MUC5AC: variants seen among roughly 807,000 people sequenced by gnomAD.
MUC5AC encodes mucin-5AC.
MUC5AC carries 158 observed loss-of-function variants against 169.7 expected under a neutral mutation model. That is an observed-to-expected ratio of 0.93 (90% confidence interval 0.82 to 1.06). MUC5AC has a LOEUF of 1.06. Ranked by LOEUF, MUC5AC falls within the 50% of genes least tolerant of loss-of-function variation. The probability of loss-of-function intolerance (pLI) is 0.00; values close to 1 mark genes in which losing one functional copy is unlikely to be tolerated. For synonymous variants in MUC5AC, 1,975 were observed against 1,237.0 expected, an observed-to-expected ratio of 1.60 and a Z score of -12.52; for missense variants, 4,359 against 3,089.9, an observed-to-expected ratio of 1.41 and a Z score of -9.74.
intron 9 of MUC5AC, 31 bp from the exon 10 acceptor site, chr11:1,165,271 C>G: frequency 6.3e-7 from 1 of 1,585,652 alleles, no homozygotes; most frequent in Non-Finnish European, 8.6e-7. Flanking sequence ...ACACAGCAGG[C>G]GCCCGTCATA....
At chr11:1,159,995 G>A (rs1364373978) in intron 1 of MUC5AC, among the ~76,000 whole-genome samples, 1 of 146,870 alleles carries the variant, frequency 6.8e-6, no homozygotes, top group Non-Finnish European at 1.5e-5. Flanking sequence ...CGGGGCTGGG[G>A]TCTGGTCCCA....
chr11:1,182,924 T>A lies in MUC5AC; in HGVS notation c.4779T>A (p.Pro1593=). 2.5e-6 allele frequency: 1 copy of A among 398,724 alleles called. No individual in the cohort carries two copies. The highest frequency in any genetic ancestry group is 3.6e-5 in the East Asian group (1 of 28,044). The allele number at this position is 398,724 out of a possible 1,614,324, so 24.7% of individuals were successfully genotyped here. ...TWTEWIDGSY[P]APGINGGDFD... ...CCGAGTGGATCGATGGCAGCTACCC[T>A]GCTCCTGGAATAAATGGTGGAGATT... is the stretch of plus-strand genomic sequence containing the variant. Residue 1593 remains proline, a synonymous_variant, in exon 31 of 49, where the codon CCT becomes CCA. Transcript: ENST00000621226.
chr11:1,176,471 C>G (rs922816430), intron 20 of MUC5AC, 43 bp from the exon 21 acceptor site: 1 of 398,758 alleles, frequency 2.5e-6, no homozygotes, highest in African/African-American at 2.1e-5. Context: ...TGGCAGGCCC[C>G]GTGCCCTGCC....
Position 1,191,564 on chromosome 11 carries a change from G to T in MUC5AC, c.13419G>T (p.Met4473Ile). The change falls in exon 31 of 49, where the codon ATG becomes ATT. Residue 4473 changes from methionine (M) to isoleucine (I), a missense_variant. Transcript: ENST00000621226. ...CAACCTCTGCTCCTATAACCAGCAT[G>T]ACCTCTGGTCCTGGAACTACTCCCA... ...TSTTSAPITS[M>I]TSGPGTTPSP... 1 of 602,730 alleles carries T rather than the reference G, an allele frequency of 1.7e-6. No individual in the cohort carries two copies. Among genetic ancestry groups the T allele is most frequent in the Non-Finnish European group, 2.9e-6 (1 of 339,864 alleles). The allele number at this position is 602,730 out of a possible 1,614,324, so 37.3% of individuals were successfully genotyped here. A position where few individuals can be genotyped will look rare whatever the true frequency, so the allele number is the denominator to read the frequency against.
At position 1,185,975 on chromosome 11, in the gene MUC5AC, C is replaced by T. The variant is rs1169860406; in HGVS notation, c.7830C>T (p.Thr2610=). 4.1e-5 allele frequency: 30 copies of T among 733,406 alleles called. No individual in the cohort carries two copies. The highest frequency in any genetic ancestry group is 6.2e-5 in the Non-Finnish European group (25 of 402,232). The allele number at this position is 733,406 out of a possible 1,614,324, so 45.4% of individuals were successfully genotyped here. ...PTTSITSAPT[T]STNSAPISST... is the part of the protein sequence containing the mutation. ...CCAGCATAACCTCTGCACCTACAACCAGCACAAACTCTGCCCCTATAAGCA... is the reference window on the plus strand; with the variant it reads ...CCAGCATAACCTCTGCACCTACAACTAGCACAAACTCTGCCCCTATAAGCA... The change falls in exon 31 of 49, where the codon ACC becomes ACT. Residue 2610 remains threonine (T), a synonymous_variant. Transcript: ENST00000621226.
At chr11:1,179,859 CCTGATAATTGGG>C (rs1860773505) in intron 26 of MUC5AC, among the ~76,000 whole-genome samples, 151 bp from the exon 27 acceptor site, 1 of 152,190 alleles carries the variant, frequency 6.6e-6, no homozygotes, top group Non-Finnish European at 1.5e-5. Flanking sequence ...TCCGTGGCAC[CCTGATAATTGGG>C]GGGTCCCGAT....
In MUC5AC at chr11:1,187,290, C is replaced by T. The variant is rs1423570998; in HGVS notation, c.9145C>T (p.Gln3049Ter). The T allele has an allele frequency of 8.7e-6, 6 of 693,280 alleles. No homozygotes were observed. In the African/African-American group the frequency reaches 1.1e-4, roughly 13 times the overall value. The allele number at this position is 693,280 out of a possible 1,614,324, so 42.9% of individuals were successfully genotyped here. The change falls in exon 31 of 49, where the codon CAG becomes TAG. Residue 3049 changes from glutamine (Q) to a stop codon, truncating the protein, a stop_gained. Transcript: ENST00000621226. LOFTEE classifies it high-confidence loss of function. ...TPTSSTTSSP[Q>*]TSTTSASTTS... is the part of the protein sequence containing the mutation. Reference sequence around the variant, plus strand: ...TACAAGCAGCACAACCTCCTCTCCACAGACCAGCACAACCTCGGCTTCTAC... The same window carrying T: ...TACAAGCAGCACAACCTCCTCTCCATAGACCAGCACAACCTCGGCTTCTAC...
chr11:1,165,339 C>T lies in MUC5AC; in HGVS notation c.1167C>T (p.Val389=), dbSNP rs1860290160. 2 of 1,612,258 alleles carry T rather than the reference C, an allele frequency of 1.2e-6. No individual in the cohort carries two copies. The highest frequency in any genetic ancestry group is 1.3e-5 in the African/African-American group (1 of 74,940). ...VLDDIGQTGC[V]PVSKCACVYN... The stretch of plus-strand genomic sequence containing the variant: ...ACGACATCGGCCAGACCGGCTGTGT[C>T]CCTGTGTCAAAGTGTGCCTGCGTCT... The change falls in exon 10 of 49, where the codon GTC becomes GTT. Residue 389 remains valine (V), a synonymous_variant. Transcript: ENST00000621226.
At chr11:1,163,162 C>G (rs746530074) in intron 6 of MUC5AC, 117 bp downstream of exon 6, 1 of 954,266 alleles carries the variant, frequency 1.0e-6, no homozygotes, top group Non-Finnish European at 1.7e-6. Flanking sequence ...ACGGATGCAG[C>G]TGCCCTCCCT....
At chr11:1,162,870 C>A in intron 5 of MUC5AC, 85 bp from the exon 6 acceptor site, 1 of 1,372,446 alleles carries the variant, frequency 7.3e-7, no homozygotes, top group Non-Finnish European at 1.0e-6. Context: ...TGGGCCTCGG[C>A]CCCTCCTCGG....
At chr11:1,171,533 C>CCACT (rs1176915768) in intron 15 of MUC5AC, among the ~76,000 whole-genome samples, 12,119 of 83,182 alleles carry the variant, frequency 0.15, 1,227 homozygotes, top group Non-Finnish European at 0.19. Context: ...ACCCACTCAC[C>CCACT]CACTCACTCA....
At chr11:1,178,111 C>T (rs919979936) in intron 24 of MUC5AC, among the ~76,000 whole-genome samples, 48 of 152,220 alleles carry the variant, frequency 3.2e-4, no homozygotes, top group Non-Finnish European at 5.4e-4. Context: ...CCTCAGTCTG[C>T]AAGACCCCAT....
At chr11:1,164,642 C>T in intron 9 of MUC5AC, 110 bp downstream of exon 9, 5 of 1,378,874 alleles carry the variant, frequency 3.6e-6, no homozygotes, top group Non-Finnish European at 3.8e-6. Context: ...TCCCGGGCCC[C>T]TGAGGCTGAC....
rs75618268 is a variant in MUC5AC at position 1,192,056 on chromosome 11, C to T, written c.13911C>T (p.Phe4637=). The change falls in exon 31 of 49, where the codon TTC becomes TTT. Residue 4637 remains phenylalanine, a synonymous_variant. Coordinates refer to ENST00000621226, the MANE Select transcript of MUC5AC (RefSeq NM_001304359.2). ...CTCTGTGCGCCTGGACAAAGTGGTTCGACGTGGACTTCCCATCCCCTGGAC... is the reference window on the plus strand; with the variant it reads ...CTCTGTGCGCCTGGACAAAGTGGTTTGACGTGGACTTCCCATCCCCTGGAC... ...CHPLCAWTKW[F]DVDFPSPGPH... is the part of the protein sequence containing the mutation. 39 of 765,104 alleles carry T rather than the reference C, an allele frequency of 5.1e-5. No individual in the cohort carries two copies. The highest frequency in any genetic ancestry group is 8.1e-5 in the Non-Finnish European group (34 of 417,894). 47.4% of individuals were successfully genotyped at this position (765,104 alleles called of 1,614,324 possible). A position where few individuals can be genotyped will look rare whatever the true frequency, so the allele number is the denominator to read the frequency against.
In MUC5AC at chr11:1,176,571, G is replaced by A. The variant is rs1285082291; in HGVS notation, c.2560G>A (p.Glu854Lys). Reference sequence around the variant, plus strand: ...CCCCGACGGGCTGGTGGCGGACGGCGAGGGCGGCTGCATCACTGCGGAGGA... The same window carrying A: ...CCCCGACGGGCTGGTGGCGGACGGCAAGGGCGGCTGCATCACTGCGGAGGA... ...VCPDGLVADG[E>K]GGCITAEDCP... Residue 854 changes from glutamate (E) to lysine (K), a missense_variant, in exon 21 of 49, where the codon GAG becomes AAG. Physicochemically the swap from Glu to Lys is moderately conservative, Grantham distance 56. Coordinates refer to ENST00000621226, the MANE Select transcript of MUC5AC (RefSeq NM_001304359.2). 7 of 399,676 alleles carry A rather than the reference G, an allele frequency of 1.8e-5. No individual in the cohort carries two copies. Among genetic ancestry groups the A allele is most frequent in the Non-Finnish European group, 3.1e-5 (7 of 226,974 alleles). The allele number at this position is 399,676 out of a possible 1,614,324, so 24.8% of individuals were successfully genotyped here.
At position 1,190,222 on chromosome 11, in the gene MUC5AC, G is replaced by C; in HGVS notation, c.12077G>C (p.Gly4026Ala). Residue 4026 changes from glycine (G) to alanine (A), a missense_variant, in exon 31 of 49, where the codon GGC becomes GCC. Gly to Ala is a moderately conservative substitution (Grantham distance 60). Coordinates refer to ENST00000621226, the MANE Select transcript of MUC5AC (RefSeq NM_001304359.2). ...GTGGTGCAGTGCAGCCGGGAAGAGG[G>C]CCTGGTGTGCCGGAACCAGGACCAG... ...GQVVQCSREE[G>A]LVCRNQDQQG... 2 of 751,156 alleles carry C rather than the reference G, an allele frequency of 2.7e-6. No homozygotes were observed. The allele number at this position is 751,156 out of a possible 1,614,324, so 46.5% of individuals were successfully genotyped here. A position where few individuals can be genotyped will look rare whatever the true frequency, so the allele number is the denominator to read the frequency against.
chr11:1,193,355 G>C, intron 32 of MUC5AC, 130 bp from the exon 33 acceptor site: 1 of 616,584 alleles, frequency 1.6e-6, no homozygotes. Flanking sequence ...GGGTGGGGCA[G>C]GAAGGAAACT....
At chr11:1,171,474 C>CATGA (rs1860532247) in intron 15 of MUC5AC, among the ~76,000 whole-genome samples, 1 of 145,908 alleles carries the variant, frequency 6.9e-6, no homozygotes, top group Non-Finnish European at 1.5e-5. Flanking sequence ...CCCCCTCACT[C>CATGA]ACCCACTCAC....
chr11:1,169,171 C>T lies in MUC5AC; in HGVS notation c.1870+145C>T, dbSNP rs572924378. 1.9e-5 allele frequency: 27 copies of T among 1,403,676 alleles called. No individual in the cohort carries two copies. The South Asian group carries it at 3.7e-4, about 19-fold the overall frequency. The allele number at this position is 1,403,676 out of a possible 1,614,324, so 87.0% of individuals were successfully genotyped here. A position where few individuals can be genotyped will look rare whatever the true frequency, so the allele number is the denominator to read the frequency against. ...TCACGAAGGGGCCCAAGGACAGGCTCATGGTGGGCGCCCAACCCAGCTTAT... is the reference window on the plus strand; with the variant it reads ...TCACGAAGGGGCCCAAGGACAGGCTTATGGTGGGCGCCCAACCCAGCTTAT... On this transcript the variant is annotated intron_variant, in intron 15 of 48. Coordinates refer to ENST00000621226, the MANE Select transcript of MUC5AC (RefSeq NM_001304359.2).
Sources: gnomAD v4.1 joint callset for allele counts (sites outside exome capture counted in the v4.1 genomes callset) on GRCh38, gnomAD v4.1.1 for gene constraint, MANE v1.5 for transcripts, NCBI Gene and HGNC (gene_info 2026-07-23, HGNC 2026-07-21) for gene names.